Variants in TEX36 observed in about 807,000 individuals in gnomAD.
The protein encoded by TEX36 is testis expressed 36, also known as testis-expressed protein 36.
In TEX36, 12 loss-of-function variants were observed where a neutral mutation model predicts 13.6. The observed-to-expected ratio is 0.88, with a 90% CI of 0.56 to 1.43. The LOEUF is 1.43. TEX36 is among the 40% of genes most tolerant of loss of function. The probability of loss-of-function intolerance (pLI) is 0.00; values close to 1 mark genes in which losing one functional copy is unlikely to be tolerated. For missense variants in TEX36, 224 were observed against 228.3 expected, an observed-to-expected ratio of 0.98 and a Z score of 0.12; for synonymous variants, 93 against 83.0, an observed-to-expected ratio of 1.12 and a Z score of -0.65.
At chr10:125,608,889 C>G (rs374964172) in intron 3 of TEX36, among the ~76,000 whole-genome samples, 3 of 148,538 alleles carry the variant, frequency 2.0e-5, no homozygotes, top group African/African-American at 5.0e-5. Flanking sequence ...AATCCCAGCA[C>G]TTTGGGAGGC....
chr10:125,618,371 TAG>T (rs1434916884), downstream of TEX36, among the ~76,000 whole-genome samples: 1 of 152,262 alleles, frequency 6.6e-6, no homozygotes, highest in Non-Finnish European at 1.5e-5. Flanking sequence ...CTCTGCTTTT[TAG>T]AGTTTCCAGT....
intron 3 of TEX36, among the ~76,000 whole-genome samples, chr10:125,634,606 T>C (rs1846600547): frequency 6.6e-6 from 1 of 152,182 alleles, no homozygotes. Context: ...TGGTAAAAGG[T>C]TATCTTTTCT....
chr10:125,576,637 G>T, exon 4 of TEX36: 1 of 1,339,892 alleles, frequency 7.5e-7, no homozygotes, highest in Admixed American at 2.5e-5. Flanking sequence ...ATAAATCCTG[G>T]TGGTTACTAA....
chr10:125,581,778 T>C (rs1845886140), intron 3 of TEX36, among the ~76,000 whole-genome samples: 1 of 152,196 alleles, frequency 6.6e-6, no homozygotes, highest in African/African-American at 2.4e-5. Context: ...CACTGGGGGA[T>C]GTAGGGTGGT....
chr10:125,581,195 C>A (rs1845877060), intron 3 of TEX36, among the ~76,000 whole-genome samples: 1 of 152,116 alleles, frequency 6.6e-6, no homozygotes, highest in Non-Finnish European at 1.5e-5. Context: ...CCAGGCACAC[C>A]CTAAACAGGG....
At chr10:125,657,639 G>A (rs1170729948) in intron 3 of TEX36, among the ~76,000 whole-genome samples, 1 of 152,174 alleles carries the variant, frequency 6.6e-6, no homozygotes, top group African/African-American at 2.4e-5. Context: ...AAAATGGAAA[G>A]GAGGGAGGGA....
intron 3 of TEX36, among the ~76,000 whole-genome samples, chr10:125,616,226 A>G (rs1846356689): frequency 6.6e-6 from 1 of 152,076 alleles, no homozygotes; most frequent in African/African-American, 2.4e-5. Context: ...GATCCTTTCA[A>G]AAAACCAGCT....
At chr10:125,662,576 C>A (rs886470871) in intron 1 of TEX36, among the ~76,000 whole-genome samples, 7 of 152,042 alleles carry the variant, frequency 4.6e-5, no homozygotes, top group Admixed American at 3.3e-4. Flanking sequence ...TGCAATCTCC[C>A]AACAAAAGCC....
downstream of TEX36, among the ~76,000 whole-genome samples, chr10:125,618,559 G>T (rs1055783481): frequency 6.6e-6 from 1 of 152,096 alleles, no homozygotes; most frequent in African/African-American, 2.4e-5. Context: ...TGAGGTGTCA[G>T]TCTGCCCCTG....
At chr10:125,581,536 C>T (rs1380674662) in intron 3 of TEX36, among the ~76,000 whole-genome samples, 6 of 152,166 alleles carry the variant, frequency 3.9e-5, no homozygotes, top group African/African-American at 1.2e-4. Flanking sequence ...TCTGGAAACA[C>T]CTTTTAAGTA....
At chr10:125,672,007 T>A (rs192695737) in intron 1 of TEX36, among the ~76,000 whole-genome samples, 1 of 152,190 alleles carries the variant, frequency 6.6e-6, no homozygotes, top group Non-Finnish European at 1.5e-5. Context: ...TGTGTCTATT[T>A]GATTCTTCTC....
At chr10:125,634,690 C>CG (rs1221620856) in intron 3 of TEX36, among the ~76,000 whole-genome samples, 1 of 152,132 alleles carries the variant, frequency 6.6e-6, no homozygotes, top group African/African-American at 2.4e-5. Flanking sequence ...GAATGGATAG[C>CG]GCCCATTTTG....
intron 3 of TEX36, among the ~76,000 whole-genome samples, chr10:125,656,506 C>T (rs569075758): frequency 7.2e-5 from 11 of 152,076 alleles, no homozygotes; most frequent in Admixed American, 6.5e-4. Flanking sequence ...AATCTGCCCG[C>T]CTCAGCCTCC....
intron 3 of TEX36, among the ~76,000 whole-genome samples, chr10:125,610,432 C>T (rs1484497153): frequency 6.6e-6 from 1 of 152,102 alleles, no homozygotes; most frequent in African/African-American, 2.4e-5. Flanking sequence ...GCATAAACTG[C>T]ACCTGAAGTC....
intron 1 of TEX36, among the ~76,000 whole-genome samples, chr10:125,677,491 A>G (rs184507034): frequency 2.2e-3 from 342 of 152,172 alleles, no homozygotes; most frequent in Non-Finnish European, 4.0e-3. Context: ...CTATTGTTGA[A>G]ATTTTCAAAT....
At chr10:125,622,745 C>T (rs1846442619) in intron 3 of TEX36, among the ~76,000 whole-genome samples, 1 of 152,234 alleles carries the variant, frequency 6.6e-6, no homozygotes, top group Non-Finnish European at 1.5e-5. Flanking sequence ...CATACTCTTC[C>T]TTACCTTCAT....
intron 3 of TEX36, among the ~76,000 whole-genome samples, chr10:125,636,069 C>A (rs1278747275): frequency 6.6e-6 from 1 of 151,792 alleles, no homozygotes; most frequent in Admixed American, 6.6e-5. Context: ...GAGATGAGAT[C>A]TCGCCATGTT....
chr10:125,595,053 G>A lies in TEX36; in HGVS notation c.265-18179C>T, dbSNP rs116993492. Reference sequence around the variant, plus strand: ...AAGATTTTAAAAATTAGAAGAAAGCGTTGATGTAAAACAGTGTTCTTTATG... The same window carrying A: ...AAGATTTTAAAAATTAGAAGAAAGCATTGATGTAAAACAGTGTTCTTTATG... On this transcript the variant is annotated intron_variant, in intron 3 of 3. Coordinates refer to the TEX36 transcript ENST00000532135. Among the ~76,000 whole-genome samples the A allele has an allele frequency of 9.8e-3, 1,489 of 152,236 alleles. 8 individuals are homozygous for A. Among genetic ancestry groups the A allele is most frequent in the Admixed American group, 0.024 (369 of 15,286 alleles).
At chr10:125,589,077 T>C (rs765449702) in intron 3 of TEX36, among the ~76,000 whole-genome samples, 17 of 152,318 alleles carry the variant, frequency 1.1e-4, no homozygotes, top group Middle Eastern at 6.8e-3. Context: ...GAGGAAAACA[T>C]CAAACAATAT....
Sources: allele counts gnomAD v4.1 joint callset (sites outside exome capture counted in the v4.1 genomes callset), GRCh38; gene constraint gnomAD v4.1.1; transcripts MANE v1.5; gene names NCBI Gene and HGNC (gene_info 2026-07-23, HGNC 2026-07-21).